The following PPM1H variants were observed in gnomAD, a reference collection of about 807,000 sequenced individuals.
PPM1H encodes protein phosphatase, Mg2+/Mn2+ dependent 1H, also known as protein phosphatase 1H.
Under a neutral mutation model 54.9 loss-of-function variants are expected in PPM1H, and 27 were observed. The ratio of observed to expected loss-of-function variants is 0.49; its 90% confidence interval spans 0.36 to 0.68. PPM1H has a LOEUF of 0.68. PPM1H is among the 30% of genes least tolerant of loss of function. The pLI, the probability that PPM1H is intolerant of heterozygous loss-of-function variation, is 0.00. For synonymous variants in PPM1H, 305 were observed against 270.8 expected, an observed-to-expected ratio of 1.13 and a Z score of -1.24; for missense variants, 596 against 667.8, an observed-to-expected ratio of 0.89 and a Z score of 1.19.
intron 9 of PPM1H, 142 bp from the exon 10 acceptor site, chr12:62,648,778 A>G: frequency 1.1e-6 from 1 of 937,208 alleles, no homozygotes; most frequent in Non-Finnish European, 1.6e-6. Context: ...AGACAAGGTC[A>G]TCTTTTCCCA....
At chr12:62,805,570 G>C (rs770050622) in intron 2 of PPM1H, among the ~76,000 whole-genome samples, 2 of 152,154 alleles carry the variant, frequency 1.3e-5, no homozygotes, top group Non-Finnish European at 2.9e-5. Context: ...AACCTGGAGG[G>C]CATTATGCTA....
At chr12:62,738,783 C>G (rs1316886555) in intron 4 of PPM1H, among the ~76,000 whole-genome samples, 5 of 152,284 alleles carry the variant, frequency 3.3e-5, no homozygotes, top group African/African-American at 1.2e-4. Context: ...CAGCTCAGAT[C>G]TGAGTGGATG....
intron 4 of PPM1H, among the ~76,000 whole-genome samples, chr12:62,787,089 C>T (rs545913394): frequency 6.6e-6 from 1 of 152,108 alleles, no homozygotes; most frequent in Admixed American, 6.5e-5. Context: ...CTAGGAGGAA[C>T]GAAGGCTGCC....
At chr12:62,713,604 A>C (rs980590418) in intron 6 of PPM1H, among the ~76,000 whole-genome samples, 2 of 152,204 alleles carry the variant, frequency 1.3e-5, no homozygotes, top group Non-Finnish European at 2.9e-5. Context: ...GTCTGGCATC[A>C]GAGGCACCAG....
chr12:62,776,241 G>A (rs909334627), intron 4 of PPM1H, among the ~76,000 whole-genome samples: 1 of 152,156 alleles, frequency 6.6e-6, no homozygotes, highest in African/African-American at 2.4e-5. Flanking sequence ...TCATCTGCCA[G>A]AACATTTTGC....
At position 62,793,740 on chromosome 12, in the gene PPM1H, C is replaced by CAAAAAAAAAAAAAA. The variant is rs34457644; in HGVS notation, c.757-5416_757-5403dup. On this transcript the variant is annotated intron_variant, in intron 3 of 9. Coordinates refer to ENST00000228705, the MANE Select transcript of PPM1H (RefSeq NM_020700.2). ...GGGCAACAAGAGAGAAACTCCGTTT[C>CAAAAAAAAAAAAAA]AAAAAAAAAAAAAAAAAAAAAAGGC... is the stretch of plus-strand genomic sequence containing the variant. Among the ~76,000 whole-genome samples, 209 of 61,190 alleles carry CAAAAAAAAAAAAAA rather than the reference C, an allele frequency of 3.4e-3. 2 individuals are homozygous for CAAAAAAAAAAAAAA. The highest frequency in any genetic ancestry group is 9.7e-3 in the African/African-American group (171 of 17,562). 40.1% of individuals were successfully genotyped at this position (61,190 alleles called of 152,430 possible).
At chr12:62,730,898 G>A (rs987610000) in intron 5 of PPM1H, among the ~76,000 whole-genome samples, 7 of 152,204 alleles carry the variant, frequency 4.6e-5, no homozygotes, top group Non-Finnish European at 8.8e-5. Context: ...CTGATTTACA[G>A]TGCAGGAATA....
chr12:62,717,884 C>G (rs779762888), intron 6 of PPM1H, among the ~76,000 whole-genome samples: 8 of 152,140 alleles, frequency 5.3e-5, no homozygotes, highest in African/African-American at 1.7e-4. Flanking sequence ...TTCTTCTCCC[C>G]CTTTGAATCA....
chr12:62,868,842 A>G (rs886995049), intron 1 of PPM1H, among the ~76,000 whole-genome samples: 2 of 152,176 alleles, frequency 1.3e-5, no homozygotes, highest in African/African-American at 4.8e-5. Flanking sequence ...TCAATCTCCA[A>G]TGAGTTCCTC....
chr12:62,745,281 C>T lies in PPM1H; in HGVS notation c.870-7695G>A, dbSNP rs558878127. On this transcript the variant is annotated intron_variant, in intron 4 of 9. Transcript: ENST00000228705. ...CTCACTATGTTGCCTAGGCTCGTCGCGAATGCCTGGGCTCAAGCAATCCTC... is the reference window on the plus strand; with the variant it reads ...CTCACTATGTTGCCTAGGCTCGTCGTGAATGCCTGGGCTCAAGCAATCCTC... Among the ~76,000 whole-genome samples, 3 of 152,218 alleles carry T rather than the reference C, an allele frequency of 2.0e-5. 1 individual carries two copies. Among genetic ancestry groups the T allele is most frequent in the Admixed American group, 2.0e-4 (3 of 15,294 alleles).
chr12:62,679,023 T>C (rs1450217083), intron 8 of PPM1H, among the ~76,000 whole-genome samples: 1 of 152,152 alleles, frequency 6.6e-6, no homozygotes, highest in South Asian at 2.1e-4. Context: ...AGTCTCGCTC[T>C]GTCGCCAGGC....
intron 6 of PPM1H, among the ~76,000 whole-genome samples, chr12:62,698,707 G>A (rs976850531): frequency 1.6e-4 from 24 of 152,054 alleles, no homozygotes; most frequent in African/African-American, 5.5e-4. Flanking sequence ...TCCATTATGT[G>A]TATTTTTTTT....
At chr12:62,800,378 C>T (rs932986218) in intron 3 of PPM1H, among the ~76,000 whole-genome samples, 9 of 151,726 alleles carry the variant, frequency 5.9e-5, no homozygotes, top group African/African-American at 1.7e-4. Context: ...CTGTTGTTGC[C>T]CAGGCTGGAG....
At chr12:62,813,614 T>C (rs956185587) in intron 2 of PPM1H, among the ~76,000 whole-genome samples, 19 of 152,266 alleles carry the variant, frequency 1.2e-4, no homozygotes, top group African/African-American at 4.3e-4. Flanking sequence ...AAACTACAGA[T>C]AGAAAACATG....
At chr12:62,659,040 C>A in intron 9 of PPM1H, 1 of 725,574 alleles carries the variant, frequency 1.4e-6, no homozygotes. Context: ...CAGTGGCTTC[C>A]GGAAGTTCCT....
chr12:62,748,500 C>T (rs2076424652), intron 4 of PPM1H, among the ~76,000 whole-genome samples: 1 of 151,190 alleles, frequency 6.6e-6, no homozygotes, highest in Non-Finnish European at 1.5e-5. Context: ...AATCCACCCA[C>T]TCATGTAGTT....
chr12:62,788,786 C>T (rs953983911), intron 3 of PPM1H, among the ~76,000 whole-genome samples: 3 of 146,748 alleles, frequency 2.0e-5, no homozygotes, highest in African/African-American at 7.6e-5. Context: ...AGTGCAGTGG[C>T]CCAATCTTGG....
chr12:62,743,185 T>C (rs1425399938), intron 4 of PPM1H, among the ~76,000 whole-genome samples: 3 of 152,078 alleles, frequency 2.0e-5, no homozygotes, highest in Non-Finnish European at 4.4e-5. Context: ...ACCCCATCTC[T>C]ACTAAAAAAA....
chr12:62,918,493 T>G (rs1330270869), intron 1 of PPM1H, among the ~76,000 whole-genome samples: 1 of 152,222 alleles, frequency 6.6e-6, no homozygotes, highest in Non-Finnish European at 1.5e-5. Context: ...TTTGGTAAAG[T>G]ACATTAAAGT....
Sources: gnomAD v4.1 joint callset for allele counts (sites outside exome capture counted in the v4.1 genomes callset) on GRCh38, gnomAD v4.1.1 for gene constraint, MANE v1.5 for transcripts, NCBI Gene and HGNC (gene_info 2026-07-23, HGNC 2026-07-21) for gene names.